Variants in MYT1L observed in about 807,000 individuals in gnomAD.
The protein encoded by MYT1L is myelin transcription factor 1-like protein.
MYT1L carries 12 observed loss-of-function variants against 126.7 expected under a neutral mutation model. The ratio of observed to expected loss-of-function variants is 0.09; its 90% confidence interval spans 0.06 to 0.15. The LOEUF is 0.15. MYT1L is among the 10% of genes least tolerant of loss of function. The probability of loss-of-function intolerance (pLI) is 1.00; values close to 1 mark genes in which losing one functional copy is unlikely to be tolerated. For missense variants in MYT1L, 979 were observed against 1,585.2 expected (o/e 0.62, Z 6.49); for synonymous variants, 541 against 604.2 (o/e 0.90, Z 1.53).
At chr2:2,077,781 T>C (rs2075380105) in intron 3 of MYT1L, among the ~76,000 whole-genome samples, 4 of 152,192 alleles carry the variant, frequency 2.6e-5, no homozygotes, top group Admixed American at 2.6e-4. Flanking sequence ...ACAGAGAATT[T>C]ATTGCTAGAA....
rs1316416056 is a variant in MYT1L at position 1,840,896 on chromosome 2, C to CTTTTTTT, written c.2775-54_2775-53insAAAAAAA. On this transcript the variant is annotated intron_variant, in intron 19 of 24. Transcript: ENST00000647738. ...ACCCCACACCGTTGATTTCAGTGAGCTTTCTTTCTTTTTTTTTTTTTTTTT... is the reference window on the plus strand; with the variant it reads ...ACCCCACACCGTTGATTTCAGTGAGCTTTTTTTTTTCTTTCTTTTTTTTTTTTTTTTT... 1.4e-4 allele frequency: 130 copies of CTTTTTTT among 962,496 alleles called. 4 individuals are homozygous for CTTTTTTT. The African/African-American group carries it at 2.5e-3, about 18-fold the overall frequency. The allele number at this position is 962,496 out of a possible 1,614,324, so 59.6% of individuals were successfully genotyped here. A position where few individuals can be genotyped will look rare whatever the true frequency, so the allele number is the denominator to read the frequency against.
chr2:2,036,881 AT>A (rs1439411019), intron 4 of MYT1L, among the ~76,000 whole-genome samples: 3 of 152,166 alleles, frequency 2.0e-5, no homozygotes, highest in Non-Finnish European at 4.4e-5. Context: ...TTTAAGACTC[AT>A]TGTGCCTGTC....
rs1182824838 is a variant in MYT1L, at chr2:1,791,787, G to T, written c.*80C>A. On this transcript the variant is annotated 3_prime_UTR_variant, in exon 25 of 25. Transcript: ENST00000647738. The surrounding 1 kb of genome is among the most constrained non-coding windows in gnomAD (Gnocchi z 6.0). Reference sequence around the variant, plus strand: ...TCAAATTCAAACAGAAATAAATATAGAACACTTTCTGGTAAGTTACAGCAG... The same window carrying T: ...TCAAATTCAAACAGAAATAAATATATAACACTTTCTGGTAAGTTACAGCAG... 1 of 1,298,944 alleles carries T rather than the reference G, an allele frequency of 7.7e-7. No homozygotes were observed. The highest frequency in any genetic ancestry group is 1.7e-5 in the South Asian group (1 of 60,376). The allele number at this position is 1,298,944 out of a possible 1,614,324, so 80.5% of individuals were successfully genotyped here.
At chr2:2,307,182 G>A (rs555528415) in intron 1 of MYT1L, among the ~76,000 whole-genome samples, 2 of 152,094 alleles carry the variant, frequency 1.3e-5, no homozygotes, top group Non-Finnish European at 1.5e-5. Flanking sequence ...GAGAATGGGC[G>A]GGGAATTACC....
chr2:2,055,678 G>C (rs573600783), intron 3 of MYT1L, among the ~76,000 whole-genome samples: 140 of 152,304 alleles, frequency 9.2e-4, no homozygotes, highest in African/African-American at 3.1e-3. Context: ...AGCAAAACAA[G>C]TGATTGAGAA....
At chr2:2,081,032 TG>T (rs754026071) in intron 3 of MYT1L, among the ~76,000 whole-genome samples, 1 of 152,214 alleles carries the variant, frequency 6.6e-6, no homozygotes, top group Non-Finnish European at 1.5e-5. Flanking sequence ...TGACCACTAA[TG>T]GGTCCATTGT....
chr2:2,138,195 C>T (rs1400032034), intron 3 of MYT1L, among the ~76,000 whole-genome samples: 1 of 151,806 alleles, frequency 6.6e-6, no homozygotes, highest in Non-Finnish European at 1.5e-5. Flanking sequence ...CAGGAAACAA[C>T]AGGTGCTGGA....
At chr2:1,869,276 G>A (rs1156457622) in intron 18 of MYT1L, among the ~76,000 whole-genome samples, 1 of 152,234 alleles carries the variant, frequency 6.6e-6, no homozygotes, top group African/African-American at 2.4e-5. Context: ...GACCTGGGTT[G>A]TGTTGTCCAA....
rs559487622 is a variant in MYT1L, at chr2:2,148,964, A to C, written c.-304+23908T>G. On this transcript the variant is annotated intron_variant, in intron 3 of 24. Transcript: ENST00000647738. ...GCCTCCCCCTGCTCCAGTAAGATTC[A>C]CATCAGGCTGTTACAAGCCTTGCTC... 3.8e-4 allele frequency among the ~76,000 whole-genome samples: 58 copies of C among 152,204 alleles called. No individual in the cohort carries two copies. In the South Asian group the frequency reaches 0.011, roughly 30 times the overall value.
intron 2 of MYT1L, among the ~76,000 whole-genome samples, chr2:2,177,550 C>T (rs1231950383): frequency 6.6e-6 from 1 of 152,136 alleles, no homozygotes. Context: ...TGAGACTCGG[C>T]AGTTTACAAA....
chr2:1,917,420 C>T lies in MYT1L; in HGVS notation c.1484-81G>A, dbSNP rs1296250836. 1 of 1,487,452 alleles carries T rather than the reference C, an allele frequency of 6.7e-7. No individual in the cohort carries two copies. The highest frequency in any genetic ancestry group is 9.1e-7 in the Non-Finnish European group (1 of 1,099,596). 92.1% of individuals were successfully genotyped at this position (1,487,452 alleles called of 1,614,324 possible). ...TGATTATTTCACAATCTGAAGAAAC[C>T]TTGCTAAAGAAAGAAATAAAGCAGG... On this transcript the variant is annotated intron_variant, in intron 10 of 24. Transcript: ENST00000647738. The surrounding 1 kb of genome is among the most constrained non-coding windows in gnomAD (Gnocchi z 5.9).
intron 14 of MYT1L, among the ~76,000 whole-genome samples, chr2:1,894,152 TGGCTGGTGGG>T (rs2049278836): frequency 6.6e-6 from 1 of 152,202 alleles, no homozygotes; most frequent in African/African-American, 2.4e-5. Context: ...AGTGGGCCCA[TGGCTGGTGGG>T]GCACAGCTGT....
chr2:1,923,306 A>G (rs964620436), intron 9 of MYT1L, 43 bp from the exon 10 acceptor site: 11 of 1,506,166 alleles, frequency 7.3e-6, no homozygotes, highest in Middle Eastern at 3.7e-4. Context: ...AGAAAAGGAA[A>G]AAGTGGCTAG....
intron 5 of MYT1L, among the ~76,000 whole-genome samples, chr2:1,987,650 C>T (rs1314438383): frequency 2.0e-5 from 3 of 152,168 alleles, no homozygotes; most frequent in Non-Finnish European, 2.9e-5. Flanking sequence ...GCTGAGGCTG[C>T]GTGGGGAGTG....
At chr2:1,907,404 T>G (rs1187312009) in intron 13 of MYT1L, among the ~76,000 whole-genome samples, 2 of 152,148 alleles carry the variant, frequency 1.3e-5, no homozygotes, top group Non-Finnish European at 1.5e-5. Flanking sequence ...AGGAGAACCC[T>G]CAGGGAATAG....
chr2:2,173,074 A>G (rs149852699), intron 2 of MYT1L, 86 bp from the exon 3 acceptor site: 1,728 of 152,364 alleles, frequency 0.011, 17 homozygotes, highest in Middle Eastern at 0.027. Flanking sequence ...GTGCTGTGAC[A>G]CTCACAACAG....
At chr2:2,046,036 C>T (rs751878011) in intron 4 of MYT1L, among the ~76,000 whole-genome samples, 2 of 152,144 alleles carry the variant, frequency 1.3e-5, no homozygotes, top group Admixed American at 6.5e-5. Context: ...ATGGTCTCTC[C>T]GTGAATATGT....
intron 3 of MYT1L, among the ~76,000 whole-genome samples, chr2:2,099,296 T>C (rs760682095): frequency 3.3e-5 from 5 of 152,198 alleles, no homozygotes; most frequent in Admixed American, 6.5e-5. Flanking sequence ...AACATGTAGC[T>C]TTCAGTCTTC....
Position 1,889,314 on chromosome 2 carries a change from C to A in MYT1L, c.2447G>T (p.Cys816Phe). The A allele has an allele frequency of 1.2e-6, 2 of 1,613,860 alleles. No individual in the cohort carries two copies. The highest frequency in any genetic ancestry group is 1.7e-6 in the Non-Finnish European group (2 of 1,179,882). Residue 816 changes from cysteine to phenylalanine, a missense_variant, in exon 16 of 25, where the codon TGC (cysteine) becomes TTC (phenylalanine). By Grantham distance (205) the Cys-to-Phe change is radical. Transcript: ENST00000647738. This position sits in a 1 kb window ranked among gnomAD's most constrained non-coding sequence, Gnocchi z 4.1. ...NRCFQLGEGDCWDLPVDYTKM... is the reference protein window; with the variant it reads ...NRCFQLGEGDFWDLPVDYTKM... ...GGTGTAGTCTACGGGCAAGTCCCAG[C>A]AGTCGCCCTCGCCCAGCTGGAAACA...
Sources: gnomAD v4.1 joint callset for allele counts (sites outside exome capture counted in the v4.1 genomes callset) on GRCh38, gnomAD v4.1.1 for gene constraint, Gnocchi (gnomAD v3.1) non-coding constraint, MANE v1.5 for transcripts, NCBI Gene and HGNC (gene_info 2026-07-23, HGNC 2026-07-21) for gene names.